Variants in ERBB4 observed in about 807,000 individuals in gnomAD.
The protein encoded by ERBB4 is receptor tyrosine-protein kinase erbB-4.
In ERBB4, 42 loss-of-function variants were observed where a neutral mutation model predicts 158.0. That is an observed-to-expected ratio of 0.27 (90% CI 0.21 to 0.34). The LOEUF (loss-of-function observed/expected upper bound fraction) is 0.34, where lower values mean the gene tolerates loss of function less well. Among genes scored for constraint, ERBB4 ranks in the 10% least tolerant of loss-of-function variants. The probability of loss-of-function intolerance (pLI) is 1.00; values close to 1 mark genes in which losing one functional copy is unlikely to be tolerated. For missense variants in ERBB4, 1,333 were observed against 1,624.1 expected, an observed-to-expected ratio of 0.82 and a Z score of 3.08; for synonymous variants, 583 against 558.7, an observed-to-expected ratio of 1.04 and a Z score of -0.61.
At chr2:212,521,770 T>A (rs1345049419) in intron 1 of ERBB4, among the ~76,000 whole-genome samples, 1 of 151,986 alleles carries the variant, frequency 6.6e-6, no homozygotes, top group Non-Finnish European at 1.5e-5. Context: ...TATACTCACA[T>A]GGTGGACTCA....
intron 1 of ERBB4, among the ~76,000 whole-genome samples, chr2:212,453,331 G>A (rs1382009287): frequency 6.6e-6 from 1 of 152,122 alleles, no homozygotes; most frequent in Non-Finnish European, 1.5e-5. Context: ...GATGCTCAAA[G>A]GCAGACAGAA....
At chr2:211,899,217 C>T (rs763870301) in intron 3 of ERBB4, among the ~76,000 whole-genome samples, 6 of 152,060 alleles carry the variant, frequency 3.9e-5, no homozygotes, top group Admixed American at 2.0e-4. Flanking sequence ...CTTATGAGCA[C>T]TCAAGGAATT....
At chr2:212,092,273 G>A (rs2078802561) in intron 2 of ERBB4, among the ~76,000 whole-genome samples, 1 of 152,166 alleles carries the variant, frequency 6.6e-6, no homozygotes, top group Admixed American at 6.5e-5. Flanking sequence ...CACATAAAAT[G>A]AGTCTCATTT....
intron 1 of ERBB4, among the ~76,000 whole-genome samples, chr2:212,523,368 A>C (rs1692276292): frequency 6.6e-6 from 1 of 151,982 alleles, no homozygotes; most frequent in South Asian, 2.1e-4. Context: ...AGTTTAGTTA[A>C]ATCAGTATTT....
chr2:211,504,162 A>G (rs1559235157), intron 20 of ERBB4, among the ~76,000 whole-genome samples: 1 of 152,062 alleles, frequency 6.6e-6, no homozygotes. Flanking sequence ...AAATTGCACT[A>G]CCCAATATAT....
At chr2:212,064,265 TA>T (rs1426743290) in intron 2 of ERBB4, among the ~76,000 whole-genome samples, 5 of 152,104 alleles carry the variant, frequency 3.3e-5, no homozygotes, top group Non-Finnish European at 2.9e-5. Flanking sequence ...AACCAGAGTT[TA>T]TAGGGTATTA....
At chr2:211,667,497 G>C (rs550005146) in intron 14 of ERBB4, among the ~76,000 whole-genome samples, 13 of 150,134 alleles carry the variant, frequency 8.7e-5, no homozygotes, top group African/African-American at 2.9e-4. Flanking sequence ...TGAGGAGTTT[G>C]CTAATGGTAA....
intron 1 of ERBB4, among the ~76,000 whole-genome samples, chr2:212,231,867 T>C (rs1166235367): frequency 1.3e-5 from 2 of 152,216 alleles, no homozygotes; most frequent in Non-Finnish European, 2.9e-5. Context: ...TATTTAACAA[T>C]TCATTTTTCA....
chr2:211,727,375 T>A (rs2074301075), intron 5 of ERBB4, among the ~76,000 whole-genome samples: 1 of 152,106 alleles, frequency 6.6e-6, no homozygotes, highest in Non-Finnish European at 1.5e-5. Context: ...CCAACTAACC[T>A]ATGGGTTTAT....
rs1006539144 is a variant in ERBB4, at chr2:211,581,189, G to C, written c.2302-19101C>G. On this transcript the variant is annotated intron_variant, in intron 19 of 27. Transcript: ENST00000342788. ...AGTGTATACTGCTCAGGTGATGGGG[G>C]CACCAAAATCTCACAAATCACCACT... is the stretch of plus-strand genomic sequence containing the variant. Among the ~76,000 whole-genome samples, 14 of 151,218 alleles carry C rather than the reference G, an allele frequency of 9.3e-5. No individual in the cohort carries two copies. In the East Asian group the frequency reaches 2.4e-3, roughly 26 times the overall value.
At chr2:211,736,508 A>G (rs1377972700) in intron 5 of ERBB4, among the ~76,000 whole-genome samples, 2 of 152,192 alleles carry the variant, frequency 1.3e-5, no homozygotes, top group Admixed American at 6.5e-5. Context: ...GCATGAACAA[A>G]GGTCAAATTA....
intron 1 of ERBB4, among the ~76,000 whole-genome samples, chr2:212,440,642 T>C (rs912163438): frequency 3.9e-5 from 6 of 152,164 alleles, no homozygotes; most frequent in Admixed American, 1.3e-4. Context: ...CTGCTTAATA[T>C]GACTAGACCC....
At position 211,705,211 on chromosome 2, in the gene ERBB4, C is replaced by T. The variant is rs184955769; in HGVS notation, c.1198+107G>A. ...TCATGATCCACCCGCCTCAACCTCC[C>T]TAAGTGCTGGGATTACTGGTGTGAG... On this transcript the variant is annotated intron_variant, in intron 10 of 27. Transcript: ENST00000342788. 167 of 805,724 alleles carry T rather than the reference C, an allele frequency of 2.1e-4. 4 individuals are homozygous for T. The African/African-American group carries it at 2.6e-3, about 13-fold the overall frequency. 49.9% of individuals were successfully genotyped at this position (805,724 alleles called of 1,614,324 possible).
chr2:212,035,040 C>A (rs1465186191), intron 2 of ERBB4, among the ~76,000 whole-genome samples: 1 of 152,134 alleles, frequency 6.6e-6, no homozygotes, highest in Non-Finnish European at 1.5e-5. Flanking sequence ...GATAGAGGCA[C>A]CATATACGAT....
At chr2:212,268,989 T>G (rs1341615707) in intron 1 of ERBB4, among the ~76,000 whole-genome samples, 1 of 151,854 alleles carries the variant, frequency 6.6e-6, no homozygotes, top group Non-Finnish European at 1.5e-5. Flanking sequence ...TTCACTCTTT[T>G]GCAATAATAA....
intron 1 of ERBB4, among the ~76,000 whole-genome samples, chr2:212,133,395 TG>T (rs1299870430): frequency 2.7e-4 from 39 of 145,386 alleles, no homozygotes; most frequent in African/African-American, 9.9e-4. Flanking sequence ...TTCATTTTGG[TG>T]TTTTTTTTTT....
chr2:212,260,770 G>A lies in ERBB4; in HGVS notation c.83-135867C>T, dbSNP rs1033429515. On this transcript the variant is annotated intron_variant, in intron 1 of 27. Transcript: ENST00000342788. ...GGAGCTTGCAGTGAGCCGAGATAGC[G>A]CCACTGCACTCCAGCCTAGGCGACA... 4.6e-5 allele frequency among the ~76,000 whole-genome samples: 7 copies of A among 151,624 alleles called. No homozygotes were observed. In the East Asian group the frequency reaches 5.8e-4, roughly 13 times the overall value.
At chr2:211,781,052 TTTTA>T (rs1392962539) in intron 4 of ERBB4, among the ~76,000 whole-genome samples, 9 of 152,182 alleles carry the variant, frequency 5.9e-5, no homozygotes, top group African/African-American at 2.2e-4. Flanking sequence ...CTTGCTACTT[TTTTA>T]TTTCTTATTT....
intron 1 of ERBB4, among the ~76,000 whole-genome samples, chr2:212,402,383 T>A (rs2091231930): frequency 6.6e-6 from 1 of 152,064 alleles, no homozygotes; most frequent in East Asian, 1.9e-4. Context: ...AATGTGGATG[T>A]GGTTATAAAA....
Sources: gnomAD v4.1 joint callset for allele counts (sites outside exome capture counted in the v4.1 genomes callset) on GRCh38, gnomAD v4.1.1 for gene constraint, MANE v1.5 for transcripts, NCBI Gene and HGNC (gene_info 2026-07-23, HGNC 2026-07-21) for gene names.